The following IMPG2 variants were observed in gnomAD, a reference collection of about 807,000 sequenced individuals.
IMPG2 encodes interphotoreceptor matrix proteoglycan 2, also known as IPM 200.
Under a neutral mutation model 129.2 loss-of-function variants are expected in IMPG2, and 91 were observed. That is an observed-to-expected ratio of 0.70 (90% CI 0.59 to 0.84). The LOEUF is 0.84. Ranked by LOEUF, IMPG2 falls within the 40% of genes least tolerant of loss-of-function variation. The pLI is 0.00. For synonymous variants in IMPG2, 510 were observed against 517.7 expected (o/e 0.99, Z 0.20); for missense variants, 1,430 against 1,461.7 (o/e 0.98, Z 0.35).
chr3:101,253,665 C>T (rs1391137665), intron 11 of IMPG2, 31 bp downstream of exon 11: 2 of 1,468,960 alleles, frequency 1.4e-6, no homozygotes, highest in African/African-American at 1.4e-5. Context: ...AGCTTGAGGG[C>T]CTGGTTCTAG....
At chr3:101,304,473 A>G (rs929626284) in intron 2 of IMPG2, among the ~76,000 whole-genome samples, 161 bp from the exon 3 acceptor site, 2 of 152,178 alleles carry the variant, frequency 1.3e-5, no homozygotes, top group Non-Finnish European at 2.9e-5. Context: ...ATGTATGTCC[A>G]GTTTAAACTT....
In IMPG2 at chr3:101,245,874, G is replaced by A; in HGVS notation, c.1471C>T (p.Pro491Ser). 6.2e-7 allele frequency: 1 copy of A among 1,614,142 alleles called. No homozygotes were observed. The highest frequency in any genetic ancestry group is 8.5e-7 in the Non-Finnish European group (1 of 1,180,010). Residue 491 changes from proline (P) to serine (S), a missense_variant, in exon 12 of 19, where the codon CCG becomes TCG. Transcript: ENST00000193391. ...VSSLTLHSVT[P>S]AVLQTGLPVA... ...GGCAAGCCAGTCTGAAGCACTGCCG[G>A]GGTGACAGAATGAAGAGTCAAGCTG...
At chr3:101,285,451 C>G (rs1309145252) in intron 4 of IMPG2, among the ~76,000 whole-genome samples, 1 of 152,162 alleles carries the variant, frequency 6.6e-6, no homozygotes, top group African/African-American at 2.4e-5. Flanking sequence ...GCCTGAGAAA[C>G]AGGTATTTTT....
Position 101,267,524 on chromosome 3 carries a change from T to C in IMPG2, c.895A>G (p.Lys299Glu), listed in dbSNP as rs1188597546. The C allele has an allele frequency of 1.2e-6, 2 of 1,611,096 alleles. No homozygotes were observed. Among genetic ancestry groups the C allele is most frequent in the Admixed American group, 3.3e-5 (2 of 59,988 alleles). The change falls in exon 9 of 19, where the codon AAG becomes GAG. Residue 299 changes from lysine (K) to glutamate (E), a missense_variant. Physicochemically the swap from Lys to Glu is moderately conservative, Grantham distance 56. Transcript: ENST00000193391. ...EIRVLEFRSP[K>E]ENDSGVDVYY... Reference sequence around the variant, plus strand: ...GCCAAAAAGTACCTGTCATTTTCCTTGGGGGACCTGAAAACAAAAATTAAA... The same window carrying C: ...GCCAAAAAGTACCTGTCATTTTCCTCGGGGGACCTGAAAACAAAAATTAAA...
intron 10 of IMPG2, among the ~76,000 whole-genome samples, chr3:101,257,200 C>T (rs960310164): frequency 6.6e-6 from 1 of 152,032 alleles, no homozygotes; most frequent in African/African-American, 2.4e-5. Flanking sequence ...GGTCATGTCT[C>T]GGTTGTCAGG....
At chr3:101,272,955 C>A (rs369475905) in intron 7 of IMPG2, among the ~76,000 whole-genome samples, 1 of 152,112 alleles carries the variant, frequency 6.6e-6, no homozygotes, top group Non-Finnish European at 1.5e-5. Context: ...GCAAACTAGA[C>A]GGGGACTATG....
chr3:101,253,757 G>A lies in IMPG2; in HGVS notation c.1178C>T (p.Thr393Ile). The A allele has an allele frequency of 6.2e-7, 1 of 1,611,212 alleles. No homozygotes were observed. Among genetic ancestry groups the A allele is most frequent in the Middle Eastern group, 1.7e-4 (1 of 6,054 alleles). Residue 393 changes from threonine (T) to isoleucine (I), a missense_variant, in exon 11 of 19, where the codon ACT (threonine) becomes ATT (isoleucine). Thr to Ile is a moderately conservative substitution (Grantham distance 89). Coordinates refer to ENST00000193391, the MANE Select transcript of IMPG2 (RefSeq NM_016247.4). ...TTGGGTGTTCCAAACTAGATCTTCA[G>A]TTTGGTGACGCAAAACTCCTCTCAC... ...INVRGVLRHQ[T>I]EDLVWNTQSS...
At chr3:101,303,408 G>C (rs538754165) in intron 3 of IMPG2, among the ~76,000 whole-genome samples, 17 of 152,266 alleles carry the variant, frequency 1.1e-4, no homozygotes, top group African/African-American at 3.6e-4. Context: ...AAGAATAATG[G>C]TAGCTAAATC....
intron 3 of IMPG2, among the ~76,000 whole-genome samples, chr3:101,302,925 C>T (rs1263525517): frequency 2.6e-5 from 4 of 152,248 alleles, no homozygotes; most frequent in South Asian, 2.1e-4. Context: ...CTCTCCCCAA[C>T]GTCCCCCATT....
chr3:101,268,419 T>C (rs1016494603), intron 8 of IMPG2, among the ~76,000 whole-genome samples: 6 of 152,192 alleles, frequency 3.9e-5, no homozygotes, highest in African/African-American at 1.4e-4. Context: ...TGGGGGCGAC[T>C]GGTCATGATA....
chr3:101,228,996 A>G (rs1706252792), intron 17 of IMPG2, 120 bp from the exon 18 acceptor site: 3 of 768,300 alleles, frequency 3.9e-6, no homozygotes, highest in Non-Finnish European at 4.5e-6. Context: ...GAAGTATGCT[A>G]TAAGAAAGAA....
intron 9 of IMPG2, among the ~76,000 whole-genome samples, chr3:101,261,934 C>T (rs1423782098): frequency 6.6e-6 from 1 of 152,106 alleles, no homozygotes; most frequent in Non-Finnish European, 1.5e-5. Flanking sequence ...CATCATCTTT[C>T]ATCTTTTGAA....
chr3:101,273,438 C>A (rs1033360906), intron 7 of IMPG2, 143 bp downstream of exon 7: 1 of 789,320 alleles, frequency 1.3e-6, no homozygotes, highest in Non-Finnish European at 2.0e-6. Context: ...ACAGAGTTTT[C>A]TGAAGAAATG....
At chr3:101,230,048 T>A (rs1353992435) in intron 16 of IMPG2, among the ~76,000 whole-genome samples, 2 of 152,194 alleles carry the variant, frequency 1.3e-5, no homozygotes, top group Non-Finnish European at 2.9e-5. Flanking sequence ...CGAGCATTGA[T>A]CATGTGCATA....
intron 4 of IMPG2, among the ~76,000 whole-genome samples, chr3:101,282,642 G>T (rs939880139): frequency 2.6e-5 from 4 of 152,030 alleles, no homozygotes; most frequent in Admixed American, 2.0e-4. Flanking sequence ...GCATAATACA[G>T]ATTTCTCCTT....
At chr3:101,299,622 T>G (rs1707118971) in intron 3 of IMPG2, among the ~76,000 whole-genome samples, 1 of 152,050 alleles carries the variant, frequency 6.6e-6, no homozygotes, top group African/African-American at 2.4e-5. Context: ...TGTTTTCTGT[T>G]TGTTTGTTTT....
At chr3:101,256,195 A>AAGAAAG (rs1706604019) in intron 10 of IMPG2, among the ~76,000 whole-genome samples, 1 of 151,080 alleles carries the variant, frequency 6.6e-6, no homozygotes, top group Non-Finnish European at 1.5e-5. Flanking sequence ...GAAAGAAAGA[A>AAGAAAG]AGAAAGAAAG....
chr3:101,287,261 G>C (rs1227705098), intron 4 of IMPG2, among the ~76,000 whole-genome samples: 4 of 151,984 alleles, frequency 2.6e-5, no homozygotes, highest in African/African-American at 9.7e-5. Flanking sequence ...TCAATCAAAA[G>C]AGTCTCATGC....
chr3:101,259,488 G>T (rs1322840905), intron 9 of IMPG2, among the ~76,000 whole-genome samples: 1 of 150,756 alleles, frequency 6.6e-6, no homozygotes, highest in Non-Finnish European at 1.5e-5. Context: ...TCACAGTGAC[G>T]GTGTCTCAGT....
Sources: allele counts gnomAD v4.1 joint callset (sites outside exome capture counted in the v4.1 genomes callset), GRCh38; gene constraint gnomAD v4.1.1; transcripts MANE v1.5; gene names NCBI Gene and HGNC (gene_info 2026-07-23, HGNC 2026-07-21).